SIM2: variants seen among roughly 807,000 people sequenced by gnomAD.
SIM2 encodes single-minded homolog 2.
A neutral mutation model predicts 64.8 loss-of-function variants in SIM2; 28 were observed. The ratio of observed to expected loss-of-function variants is 0.43; its 90% CI spans 0.32 to 0.59. The LOEUF is 0.59. SIM2 is among the 20% of genes least tolerant of loss of function. The pLI, the probability that SIM2 is intolerant of heterozygous loss-of-function variation, is 0.07. For missense variants in SIM2, 847 were observed against 871.4 expected (o/e 0.97, Z 0.35); for synonymous variants, 408 against 391.1 (o/e 1.04, Z -0.51).
At chr21:36,712,170 T>C (rs940587497) in intron 2 of SIM2, among the ~76,000 whole-genome samples, 1 of 152,192 alleles carries the variant, frequency 6.6e-6, no homozygotes, top group Admixed American at 6.5e-5. Flanking sequence ...TGGTAGATTT[T>C]CCCCTAAGTA....
chr21:36,739,951 C>G (rs1172799277), intron 7 of SIM2, among the ~76,000 whole-genome samples: 1 of 133,662 alleles, frequency 7.5e-6, no homozygotes, highest in Non-Finnish European at 1.5e-5. Flanking sequence ...CTGAGCAACA[C>G]AGAGAGACTC....
Position 36,748,159 on chromosome 21 carries a change from C to A in SIM2, c.*67C>A. On this transcript the variant is annotated 3_prime_UTR_variant, in exon 11 of 11. Coordinates refer to ENST00000290399, the MANE Select transcript of SIM2 (RefSeq NM_005069.6). Reference sequence around the variant, plus strand: ...GGGGCTGCGGCGCCACCGAGCCCGGCAAATGCGCACGACCTACATTAATTT... The same window carrying A: ...GGGGCTGCGGCGCCACCGAGCCCGGAAAATGCGCACGACCTACATTAATTT... 1.4e-6 allele frequency: 1 copy of A among 732,758 alleles called. No individual in the cohort carries two copies. The allele number at this position is 732,758 out of a possible 1,614,324, so 45.4% of individuals were successfully genotyped here.
intron 7 of SIM2, among the ~76,000 whole-genome samples, chr21:36,738,182 C>T (rs1054499169): frequency 6.6e-6 from 1 of 151,950 alleles, no homozygotes; most frequent in Non-Finnish European, 1.5e-5. Flanking sequence ...GCCCACCTCA[C>T]CCCCATACGT....
chr21:36,703,108 T>C (rs1031966589), intron 1 of SIM2, among the ~76,000 whole-genome samples: 1 of 152,136 alleles, frequency 6.6e-6, no homozygotes, highest in African/African-American at 2.4e-5. Context: ...GTGGGGCATG[T>C]TCTCACTCCA....
rs1175625030 is a variant in SIM2 at position 36,745,805 on chromosome 21, G to A, written c.1576+669G>A. 1.5e-6 allele frequency: 2 copies of A among 1,303,738 alleles called. No individual in the cohort carries two copies. Among genetic ancestry groups the A allele is most frequent in the East Asian group, 5.5e-5 (1 of 18,030 alleles). The allele number at this position is 1,303,738 out of a possible 1,614,324, so 80.8% of individuals were successfully genotyped here. A position where few individuals can be genotyped will look rare whatever the true frequency, so the allele number is the denominator to read the frequency against. The stretch of plus-strand genomic sequence containing the variant: ...TTCTCCTGGTGGCAGGCAAGCAGAT[G>A]TCCTCTGCGGAGATACCGCCAGCTC... On this transcript the variant is annotated intron_variant, in intron 10 of 10. Coordinates refer to ENST00000290399, the MANE Select transcript of SIM2 (RefSeq NM_005069.6). This position sits in a 1 kb window ranked among gnomAD's most constrained non-coding sequence, Gnocchi z 4.8.
chr21:36,735,125 G>A (rs1457516478), intron 7 of SIM2, among the ~76,000 whole-genome samples: 1 of 152,202 alleles, frequency 6.6e-6, no homozygotes, highest in Non-Finnish European at 1.5e-5. Context: ...GGGAGAGTGA[G>A]CTGAGGTATT....
At position 36,719,388 on chromosome 21, in the gene SIM2, T is replaced by C. The variant is rs117265851; in HGVS notation, c.349-433T>C. On this transcript the variant is annotated intron_variant, in intron 3 of 10. Transcript: ENST00000290399. ...GACAACACTTCCACAGGGAGCACTA[T>C]GTGGACAGGACAGCTGGCCTTCTGG... is the stretch of plus-strand genomic sequence containing the variant. 9.5e-3 allele frequency among the ~76,000 whole-genome samples: 1,440 copies of C among 152,378 alleles called. 8 individuals carry two copies. Among genetic ancestry groups the C allele is most frequent in the Middle Eastern group, 0.017 (5 of 294 alleles).
chr21:36,740,057 A>AAGAAAG lies in SIM2; in HGVS notation c.851-1657_851-1656insAAGAGA, dbSNP rs1555877213. Among the ~76,000 whole-genome samples the AAGAAAG allele has an allele frequency of 7.4e-5, 10 of 134,826 alleles. No individual in the cohort carries two copies. The East Asian group carries it at 2.2e-3, about 30-fold the overall frequency. The allele number at this position is 134,826 out of a possible 152,430, so 88.5% of individuals were successfully genotyped here. On this transcript the variant is annotated intron_variant, in intron 7 of 10. Transcript: ENST00000290399. ...AAAGAAAGAAAGAAAGAAAGAAAGA[A>AAGAAAG]AGAGAAAATGCCACTCACCATAGAT...
intron 3 of SIM2, among the ~76,000 whole-genome samples, chr21:36,716,832 C>T (rs1029690481): frequency 6.6e-6 from 1 of 151,208 alleles, no homozygotes; most frequent in African/African-American, 2.4e-5. Context: ...ATGCATGAGA[C>T]CCAGGGAGTT....
chr21:36,741,877 T>C lies in SIM2; in HGVS notation c.998+13T>C. 6.4e-7 allele frequency: 1 copy of C among 1,552,990 alleles called. No homozygotes were observed. Among genetic ancestry groups the C allele is most frequent in the Non-Finnish European group, 8.7e-7 (1 of 1,146,202 alleles). ...ATTATGTACTCACGTAAGTCACACG[T>C]ATTTGTTTCTCTCCTTGCTCTTTTC... On this transcript the variant is annotated intron_variant, in intron 8 of 10. Coordinates refer to ENST00000290399, the MANE Select transcript of SIM2 (RefSeq NM_005069.6).
At position 36,736,705 on chromosome 21, in the gene SIM2, GAACT is replaced by G. The variant is rs566668972; in HGVS notation, c.851-5007_851-5004del. Among the ~76,000 whole-genome samples, 290 of 149,870 alleles carry G rather than the reference GAACT, an allele frequency of 1.9e-3. 2 individuals are homozygous for G. Among genetic ancestry groups the G allele is most frequent in the Middle Eastern group, 0.01 (3 of 294 alleles). Reference sequence around the variant, plus strand: ...CAGAGCTGTGCCACAATATTCCCCAGAACTAACTTCCTTCCCTTCCTTCCCTCCT... The same window carrying G: ...CAGAGCTGTGCCACAATATTCCCCAGAACTTCCTTCCCTTCCTTCCCTCCT... On this transcript the variant is annotated intron_variant, in intron 7 of 10. Transcript: ENST00000290399.
At chr21:36,744,532 C>T (rs1320584878) in intron 9 of SIM2, among the ~76,000 whole-genome samples, 196 bp from the exon 10 acceptor site, 1 of 152,126 alleles carries the variant, frequency 6.6e-6, no homozygotes, top group Non-Finnish European at 1.5e-5. Flanking sequence ...GGTGGGGGAT[C>T]TCTTTCCACC....
chr21:36,706,742 C>T (rs1275538004), intron 1 of SIM2, among the ~76,000 whole-genome samples: 1 of 152,104 alleles, frequency 6.6e-6, no homozygotes, highest in Non-Finnish European at 1.5e-5. Context: ...GGTGGGGTGG[C>T]CTAGAGGCAG....
intron 6 of SIM2, among the ~76,000 whole-genome samples, chr21:36,729,451 C>A (rs950426218): frequency 4.6e-5 from 7 of 152,240 alleles, no homozygotes; most frequent in Non-Finnish European, 1.0e-4. Context: ...ATGAGTACAC[C>A]AAACAGGGAA....
chr21:36,726,750 G>GC lies in SIM2; in HGVS notation c.743+434dup, dbSNP rs998000321. 2.3e-4 allele frequency among the ~76,000 whole-genome samples: 35 copies of GC among 152,236 alleles called. No homozygotes were observed. The highest frequency in any genetic ancestry group is 8.2e-4 in the African/African-American group (34 of 41,524). On this transcript the variant is annotated intron_variant, in intron 6 of 10. Transcript: ENST00000290399. The surrounding 1 kb of genome is among the most constrained non-coding windows in gnomAD (Gnocchi z 4.5). ...CCACCCTGTGTGCGGTGTGTGGGGG[G>GC]CCTTGGCACTCAGGCTGGTGTGAAG...
chr21:36,733,704 C>T (rs773907959), intron 7 of SIM2, among the ~76,000 whole-genome samples: 10 of 152,022 alleles, frequency 6.6e-5, no homozygotes, highest in Non-Finnish European at 8.8e-5. Flanking sequence ...GGACTACAGG[C>T]GCCCGCCAGC....
Position 36,699,868 on chromosome 21 carries a change from C to G in SIM2, c.122C>G (p.Ser41Cys), listed in dbSNP as rs1260219040. The G allele has an allele frequency of 6.2e-7, 1 of 1,608,678 alleles. No homozygotes were observed. Among genetic ancestry groups the G allele is most frequent in the Non-Finnish European group, 8.5e-7 (1 of 1,177,718 alleles). The part of the protein sequence containing the change: ...SAITSQLDKA[S>C]IIRLTTSYLK... Reference sequence around the variant, plus strand: ...ATCACTTCGCAGCTGGACAAAGCGTCCATCATCCGCCTCACCACGAGCTAC... The same window carrying G: ...ATCACTTCGCAGCTGGACAAAGCGTGCATCATCCGCCTCACCACGAGCTAC... Residue 41 changes from serine to cysteine, a missense_variant, in exon 1 of 11, where the codon TCC (serine) becomes TGC (cysteine). Transcript: ENST00000290399. The surrounding 1 kb of genome is among the most constrained non-coding windows in gnomAD (Gnocchi z 5.6).
chr21:36,726,237 C>T lies in SIM2; in HGVS notation c.662C>T (p.Ala221Val), dbSNP rs1387652133. The T allele has an allele frequency of 6.2e-7, 1 of 1,613,796 alleles. No homozygotes were observed. Among genetic ancestry groups the T allele is most frequent in the South Asian group, 1.1e-5 (1 of 91,080 alleles). ...GTGGGCCAGTCGCTGCCACCCAGTG[C>T]CATCACCGAGATCAAGCTGTACAGT... Reference protein sequence around the residue: ...VAVGQSLPPSAITEIKLYSNM... With the variant: ...VAVGQSLPPSVITEIKLYSNM... The change falls in exon 6 of 11, where the codon GCC becomes GTC. Residue 221 changes from alanine (A) to valine (V), a missense_variant. Physicochemically the swap from Ala to Val is moderately conservative, Grantham distance 64 (BLOSUM62 0). Coordinates refer to ENST00000290399, the MANE Select transcript of SIM2 (RefSeq NM_005069.6). The surrounding 1 kb of genome is among the most constrained non-coding windows in gnomAD (Gnocchi z 4.5).
At chr21:36,741,994 T>C (rs1000607600) in intron 8 of SIM2, 130 bp downstream of exon 8, 1 of 1,053,552 alleles carries the variant, frequency 9.5e-7, no homozygotes, top group African/African-American at 1.7e-5. Flanking sequence ...TTTTTTTCTT[T>C]TTTTTAATTT....
Sources: gnomAD v4.1 joint callset for allele counts (sites outside exome capture counted in the v4.1 genomes callset) on GRCh38, gnomAD v4.1.1 for gene constraint, Gnocchi (gnomAD v3.1) non-coding constraint, MANE v1.5 for transcripts, NCBI Gene and HGNC (gene_info 2026-07-23, HGNC 2026-07-21) for gene names.